The following LRRN3 variants were observed in gnomAD, a reference collection of about 807,000 sequenced individuals.
The protein encoded by LRRN3 is leucine rich repeat neuronal 3.
In LRRN3, 15 loss-of-function variants were observed where a neutral mutation model predicts 40.1. The observed-to-expected ratio is 0.37, with a 90% confidence interval of 0.25 to 0.58. The LOEUF (loss-of-function observed/expected upper bound fraction) is 0.58. Among genes scored for constraint, LRRN3 ranks in the 20% least tolerant of loss-of-function variants. The pLI is 0.72. For missense variants in LRRN3, 746 were observed against 837.7 expected, an observed-to-expected ratio of 0.89 and a Z score of 1.35; for synonymous variants, 308 against 297.2, an observed-to-expected ratio of 1.04 and a Z score of -0.37.
chr7:111,109,863 C>T (rs189366208), intron 2 of LRRN3, among the ~76,000 whole-genome samples: 127 of 152,188 alleles, frequency 8.3e-4, no homozygotes, highest in African/African-American at 2.8e-3. Flanking sequence ...GGGCTGGGCG[C>T]GGTGGCTCAT....
chr7:111,119,520 A>C (rs555420749), intron 2 of LRRN3, among the ~76,000 whole-genome samples: 35 of 152,354 alleles, frequency 2.3e-4, no homozygotes, highest in African/African-American at 8.2e-4. Flanking sequence ...CTTAAAGTCT[A>C]ACATTCCTTT....
In LRRN3 at chr7:111,121,541, C is replaced by T. The variant is rs571248551; in HGVS notation, c.-358-874C>T. Among the ~76,000 whole-genome samples, 10 of 152,308 alleles carry T rather than the reference C, an allele frequency of 6.6e-5. No individual in the cohort carries two copies. In the South Asian group the frequency reaches 1.0e-3, roughly 16 times the overall value. On this transcript the variant is annotated intron_variant, in intron 2 of 2. Coordinates refer to ENST00000308478, the MANE Select transcript of LRRN3 (RefSeq NM_001099658.2). ...AAAACCACAATGAGATACCATCTCA[C>T]ACCAGTTAGAATGGCAATCATTAAA... is the stretch of plus-strand genomic sequence containing the variant.
Position 111,104,862 on chromosome 7 carries a change from A to G in LRRN3, c.-359+4900A>G, listed in dbSNP as rs575347708. Among the ~76,000 whole-genome samples the G allele has an allele frequency of 7.9e-5, 12 of 151,882 alleles. No individual in the cohort carries two copies. The South Asian group carries it at 2.5e-3, about 31-fold the overall frequency. ...AGAACGAGAGGGTCATGGCTTCTAGAACAGTGGGGAAGACAGAAAAAGAAA... is the reference window on the plus strand; with the variant it reads ...AGAACGAGAGGGTCATGGCTTCTAGGACAGTGGGGAAGACAGAAAAAGAAA... On this transcript the variant is annotated intron_variant, in intron 2 of 2. Coordinates refer to ENST00000308478, the MANE Select transcript of LRRN3 (RefSeq NM_001099658.2).
Position 111,122,714 on chromosome 7 carries a change from A to G in LRRN3, c.-59A>G. The G allele has an allele frequency of 7.5e-7, 1 of 1,338,206 alleles. No homozygotes were observed. The highest frequency in any genetic ancestry group is 1.3e-5 in the South Asian group (1 of 75,146). 82.9% of individuals were successfully genotyped at this position (1,338,206 alleles called of 1,614,324 possible). On this transcript the variant is annotated 5_prime_UTR_variant, in exon 3 of 3. Coordinates refer to ENST00000308478, the MANE Select transcript of LRRN3 (RefSeq NM_001099658.2). The stretch of plus-strand genomic sequence containing the variant: ...TTATCAATCAGCTCCTATTGAACTT[A>G]CTAGCACTGACTGTGGAATCCTTAA...
intron 1 of LRRN3, among the ~76,000 whole-genome samples, chr7:111,096,122 A>G (rs976496433): frequency 1.3e-5 from 2 of 152,164 alleles, no homozygotes; most frequent in East Asian, 3.9e-4. Flanking sequence ...TATTTGTTTA[A>G]AGCTCTACCA....
rs572799103 is a variant in LRRN3 at position 111,125,289 on chromosome 7, T to C, written c.*390T>C. The C allele has an allele frequency of 1.1e-5, 2 of 174,426 alleles. No homozygotes were observed. The highest frequency in any genetic ancestry group is 2.4e-5 in the African/African-American group (1 of 41,780). 10.8% of individuals were successfully genotyped at this position (174,426 alleles called of 1,614,324 possible). On this transcript the variant is annotated 3_prime_UTR_variant, in exon 3 of 3. Transcript: ENST00000308478. ...ACATATTAGCCACGAGTTTTTGCAG[T>C]GACCAGATAAACTTGAATTGACACG...
chr7:111,115,535 T>C (rs1799780103), intron 2 of LRRN3, among the ~76,000 whole-genome samples: 1 of 152,048 alleles, frequency 6.6e-6, no homozygotes, highest in Non-Finnish European at 1.5e-5. Context: ...TAAAAGAAAA[T>C]TATAAAGAGA....
At chr7:111,106,226 A>C (rs919616686) in intron 2 of LRRN3, among the ~76,000 whole-genome samples, 4 of 151,906 alleles carry the variant, frequency 2.6e-5, no homozygotes, top group Non-Finnish European at 4.4e-5. Flanking sequence ...CTAAGAGAAG[A>C]AGCAAAGTAC....
In LRRN3 at chr7:111,091,472, G is replaced by A. The variant is rs537804703; in HGVS notation, c.-473G>A. On this transcript the variant is annotated 5_prime_UTR_variant, in exon 1 of 3. Transcript: ENST00000308478. ...GAGGAATCCAGCACGCAAGGACATC[G>A]GAGGTGGGCTAGCACTGAAACTGCT... 18 of 152,234 alleles carry A rather than the reference G, an allele frequency of 1.2e-4. No individual in the cohort carries two copies. The highest frequency in any genetic ancestry group is 2.2e-4 in the Non-Finnish European group (15 of 68,006). 9.4% of individuals were successfully genotyped at this position (152,234 alleles called of 1,614,324 possible).
chr7:111,118,431 G>A (rs1416999684), intron 2 of LRRN3, among the ~76,000 whole-genome samples: 1 of 152,004 alleles, frequency 6.6e-6, no homozygotes, highest in African/African-American at 2.4e-5. Flanking sequence ...AGTGTCCACA[G>A]GAATTGGATA....
At chr7:111,092,162 T>A (rs1796939183) in intron 1 of LRRN3, among the ~76,000 whole-genome samples, 1 of 152,196 alleles carries the variant, frequency 6.6e-6, no homozygotes, top group Non-Finnish European at 1.5e-5. Context: ...GACTTCCCTT[T>A]AATAACATCC....
chr7:111,092,349 C>A (rs192708009), intron 1 of LRRN3, among the ~76,000 whole-genome samples: 105 of 152,272 alleles, frequency 6.9e-4, no homozygotes, highest in South Asian at 2.1e-3. Flanking sequence ...TTGTTCTAAC[C>A]AACTGCTATA....
At chr7:111,102,611 A>G (rs1470865159) in intron 2 of LRRN3, among the ~76,000 whole-genome samples, 2 of 151,734 alleles carry the variant, frequency 1.3e-5, no homozygotes, top group East Asian at 1.9e-4. Flanking sequence ...GAGAGAGAGA[A>G]AAATTACTAA....
Position 111,122,851 on chromosome 7 carries a change from G to A in LRRN3, c.79G>A (p.Val27Met), listed in dbSNP as rs771295780. The change falls in exon 3 of 3, where the codon GTG (valine) becomes ATG (methionine). Residue 27 changes from valine to methionine, a missense_variant. By Grantham distance (21) the Val-to-Met change is conservative. Coordinates refer to ENST00000308478, the MANE Select transcript of LRRN3 (RefSeq NM_001099658.2). ...TTLVQAVDKK[V>M]DCPRLCTCEI... ...ACTAGTACAAGCTGTAGATAAAAAA[G>A]TGGATTGTCCACGGTTATGTACGTG... 2.5e-6 allele frequency: 4 copies of A among 1,613,972 alleles called. No individual in the cohort carries two copies. The South Asian group carries it at 4.4e-5, about 18-fold the overall frequency.
intron 2 of LRRN3, among the ~76,000 whole-genome samples, chr7:111,114,901 G>C (rs918509676): frequency 6.6e-6 from 1 of 151,754 alleles, no homozygotes; most frequent in East Asian, 1.9e-4. Flanking sequence ...CCTAACTCCC[G>C]GGTCTGCATA....
At position 111,122,666 on chromosome 7, in the gene LRRN3, T is replaced by C; in HGVS notation, c.-107T>C. ...CTTTGTGGTTCTATGGCATTCATCA[T>C]TTGACAAATGCAAGCATCTTCCTTA... On this transcript the variant is annotated 5_prime_UTR_variant, in exon 3 of 3. Transcript: ENST00000308478. 1.1e-6 allele frequency: 1 copy of C among 877,704 alleles called. No homozygotes were observed. Among genetic ancestry groups the C allele is most frequent in the Admixed American group, 2.5e-5 (1 of 40,002 alleles). 54.4% of individuals were successfully genotyped at this position (877,704 alleles called of 1,614,324 possible). A position where few individuals can be genotyped will look rare whatever the true frequency, so the allele number is the denominator to read the frequency against.
chr7:111,098,361 A>G (rs1489011221), intron 1 of LRRN3, among the ~76,000 whole-genome samples: 1 of 151,830 alleles, frequency 6.6e-6, no homozygotes, highest in African/African-American at 2.4e-5. Flanking sequence ...CATTTCCTCA[A>G]TCAATTACTT....
In LRRN3 at chr7:111,124,932, C is replaced by CAAAAA; in HGVS notation, c.*42_*46dup. 2 of 888,498 alleles carry CAAAAA rather than the reference C, an allele frequency of 2.3e-6. No homozygotes were observed. Among genetic ancestry groups the CAAAAA allele is most frequent in the Non-Finnish European group, 3.1e-6 (2 of 654,670 alleles). 55.0% of individuals were successfully genotyped at this position (888,498 alleles called of 1,614,324 possible). A position where few individuals can be genotyped will look rare whatever the true frequency, so the allele number is the denominator to read the frequency against. On this transcript the variant is annotated 3_prime_UTR_variant, in exon 3 of 3. Coordinates refer to ENST00000308478, the MANE Select transcript of LRRN3 (RefSeq NM_001099658.2). ...CAAGGAAACCTACTCCAAAAATGAACAAAAAAAAAAAAAGCGAAAGACTGC... is the reference window on the plus strand; with the variant it reads ...CAAGGAAACCTACTCCAAAAATGAACAAAAAAAAAAAAAAAAAAGCGAAAGACTGC...
chr7:111,104,900 G>C (rs147105128), intron 2 of LRRN3, among the ~76,000 whole-genome samples: 22 of 151,506 alleles, frequency 1.5e-4, no homozygotes, highest in Middle Eastern at 6.8e-3. Flanking sequence ...AGAGAGAAGG[G>C]GACAGTCTCT....
Sources: gnomAD v4.1 joint callset for allele counts (sites outside exome capture counted in the v4.1 genomes callset) on GRCh38, gnomAD v4.1.1 for gene constraint, MANE v1.5 for transcripts, NCBI Gene and HGNC (gene_info 2026-07-23, HGNC 2026-07-21) for gene names.